NSD2: variants seen among roughly 807,000 people sequenced by gnomAD.
The protein encoded by NSD2 is histone-lysine N-methyltransferase NSD2.
Under a neutral mutation model 139.0 loss-of-function variants are expected in NSD2, and 12 were observed. That is an observed-to-expected ratio of 0.09 (90% CI 0.06 to 0.14). NSD2 has a LOEUF of 0.14. Among genes scored for constraint, NSD2 ranks in the 10% least tolerant of loss-of-function variants. The pLI, the probability that NSD2 is intolerant of heterozygous loss-of-function variation, is 1.00. For synonymous variants in NSD2, 669 were observed against 648.7 expected (o/e 1.03, Z -0.48); for missense variants, 1,155 against 1,745.0 (o/e 0.66, Z 6.02).
chr4:1,889,732 C>T (rs1453811429), intron 1 of NSD2, among the ~76,000 whole-genome samples: 1 of 152,068 alleles, frequency 6.6e-6, no homozygotes, highest in East Asian at 1.9e-4. Flanking sequence ...GTGATCCACT[C>T]CTGACCTCAG....
At chr4:1,888,042 G>A in intron 1 of NSD2, among the ~76,000 whole-genome samples, 1 of 151,898 alleles carries the variant, frequency 6.6e-6, no homozygotes, top group South Asian at 2.1e-4. Flanking sequence ...TGCATCTCAT[G>A]TCTTCCTTAG....
rs765680164 is a variant in NSD2 at position 1,951,254 on chromosome 4, C to T, written c.2013+51C>T. 5 of 1,610,224 alleles carry T rather than the reference C, an allele frequency of 3.1e-6. No homozygotes were observed. In the African/African-American group the frequency reaches 6.7e-5, roughly 22 times the overall value. Reference sequence around the variant, plus strand: ...GTCCGTGCTGGTGTCTGACTGGGGCCCCGGTACGCAGAGCGAATTTGTAGT... The same window carrying T: ...GTCCGTGCTGGTGTCTGACTGGGGCTCCGGTACGCAGAGCGAATTTGTAGT... On this transcript the variant is annotated intron_variant, in intron 10 of 21. Transcript: ENST00000508803.
intron 9 of NSD2, chr4:1,944,899 CT>C: frequency 5.6e-6 from 6 of 1,063,060 alleles, no homozygotes; most frequent in Non-Finnish European, 6.8e-6. Flanking sequence ...TCTCTTATAC[CT>C]GTATCTCCCA....
chr4:1,912,251 A>T (rs943468518), intron 3 of NSD2: 1 of 183,290 alleles, frequency 5.5e-6, no homozygotes, highest in Admixed American at 6.0e-5. Flanking sequence ...TTGATTTCTC[A>T]TGTAGACATT....
In NSD2 at chr4:1,948,093, T is replaced by G; in HGVS notation, c.1882-2979T>G. On this transcript the variant is annotated intron_variant, in intron 9 of 21. Coordinates refer to ENST00000508803, the MANE Select transcript of NSD2 (RefSeq NM_001042424.3). The surrounding 1 kb of genome is among the most constrained non-coding windows in gnomAD (Gnocchi z 4.5). ...TGAAGGAATGTATTTCTAAGGCAAA[T>G]AGGCAACTTGGTACTATCTTATTCT... is the stretch of plus-strand genomic sequence containing the variant. The G allele has an allele frequency of 9.4e-7, 1 of 1,058,858 alleles. No homozygotes were observed. Among genetic ancestry groups the G allele is most frequent in the Non-Finnish European group, 1.1e-6 (1 of 874,996 alleles). The allele number at this position is 1,058,858 out of a possible 1,614,324, so 65.6% of individuals were successfully genotyped here.
Position 1,918,606 on chromosome 4 carries a change from C to A in NSD2, c.1393C>A (p.Gln465Lys). ...DAASQFLVFC[Q>K]KHRDEVVAEH... ...AGCATCCCAGTTTTTGGTCTTCTGT[C>A]AAAAACACAGGGATGAGGTCAGTAC... Residue 465 changes from glutamine to lysine, a missense_variant, in exon 5 of 22, where the codon CAA becomes AAA. This residue lies in a region of NSD2 where 420 missense variants were observed against 469.0 expected (regional missense o/e 0.90). Coordinates refer to ENST00000508803, the MANE Select transcript of NSD2 (RefSeq NM_001042424.3). 6.2e-7 allele frequency: 1 copy of A among 1,613,608 alleles called. No homozygotes were observed. The highest frequency in any genetic ancestry group is 8.5e-7 in the Non-Finnish European group (1 of 1,179,948).
chr4:1,901,167 G>C lies in NSD2; in HGVS notation c.513G>C (p.Arg171Ser). ...PENKARRNRK[R>S]SIKYDSLLEQ... ...ACAAGGCGAGAAGGAACAGGAAGAG[G>C]AGCATAAAATATGACTCCTTGCTGG... The change falls in exon 2 of 22, where the codon AGG (arginine) becomes AGC (serine). Residue 171 changes from arginine (R) to serine (S), a missense_variant. Coordinates refer to ENST00000508803, the MANE Select transcript of NSD2 (RefSeq NM_001042424.3). 1 of 1,614,118 alleles carries C rather than the reference G, an allele frequency of 6.2e-7. No individual in the cohort carries two copies. Among genetic ancestry groups the C allele is most frequent in the Non-Finnish European group, 8.5e-7 (1 of 1,179,992 alleles).
In NSD2 at chr4:1,979,928, G is replaced by A. The variant is rs1577599474; in HGVS notation, c.*1019G>A. On this transcript the variant is annotated 3_prime_UTR_variant, in exon 22 of 22. Transcript: ENST00000508803. ...AACTTAGGGAGCCCCGTAGGGCGCT[G>A]CAGGCCCCGGGGACCCCAGCACGTG... The A allele has an allele frequency of 4.3e-6, 1 of 232,500 alleles. No homozygotes were observed. The highest frequency in any genetic ancestry group is 6.1e-5 in the East Asian group (1 of 16,500). 14.4% of individuals were successfully genotyped at this position (232,500 alleles called of 1,614,324 possible).
rs746279426 is a variant in NSD2, at chr4:1,938,416, CTTTTTTTTTTTTTTT to C, written c.1675-24_1675-10del. The C allele has an allele frequency of 8.3e-5, 27 of 325,858 alleles. No homozygotes were observed. Among genetic ancestry groups the C allele is most frequent in the African/African-American group, 6.1e-4 (12 of 19,546 alleles). The allele number at this position is 325,858 out of a possible 1,614,324, so 20.2% of individuals were successfully genotyped here. A position where few individuals can be genotyped will look rare whatever the true frequency, so the allele number is the denominator to read the frequency against. On this transcript the variant is annotated intron_variant, in intron 7 of 21. Transcript: ENST00000508803. Reference sequence around the variant, plus strand: ...TTTTTCTTTTCTTTTTTTTTTCTTTCTTTTTTTTTTTTTTTTTTTTTTTTTAAATAATAGAGAGAC... The same window carrying C: ...TTTTTCTTTTCTTTTTTTTTTCTTTCTTTTTTTTTTAAATAATAGAGAGAC...
chr4:1,882,607 T>C (rs1160494541), intron 1 of NSD2, among the ~76,000 whole-genome samples: 1 of 152,084 alleles, frequency 6.6e-6, no homozygotes, highest in Non-Finnish European at 1.5e-5. Context: ...GAGCTTGCAG[T>C]GAGCTGAGAT....
intron 17 of NSD2, 88 bp from the exon 18 acceptor site, chr4:1,960,947 T>C: frequency 1.0e-6 from 1 of 999,094 alleles, no homozygotes; most frequent in Non-Finnish European, 1.6e-6. Flanking sequence ...GTGCCCGTTC[T>C]AAGTGATCAT....
intron 3 of NSD2, chr4:1,912,103 CAAA>C: frequency 2.5e-6 from 1 of 399,718 alleles, no homozygotes; most frequent in Non-Finnish European, 4.9e-6. Context: ...ATTTTCAAAT[CAAA>C]GAAGTTTGAA....
At chr4:1,977,230 G>C (rs1017465816) in intron 21 of NSD2, among the ~76,000 whole-genome samples, 1 of 152,232 alleles carries the variant, frequency 6.6e-6, no homozygotes, top group East Asian at 1.9e-4. Flanking sequence ...GGAAAGTAGA[G>C]TGGGCTCCAC....
chr4:1,958,094 G>C lies in NSD2; in HGVS notation c.2985+58G>C. 6.4e-7 allele frequency: 1 copy of C among 1,557,726 alleles called. No individual in the cohort carries two copies. Among genetic ancestry groups the C allele is most frequent in the Non-Finnish European group, 8.8e-7 (1 of 1,135,302 alleles). On this transcript the variant is annotated intron_variant, in intron 16 of 21. Coordinates refer to ENST00000508803, the MANE Select transcript of NSD2 (RefSeq NM_001042424.3). The surrounding 1 kb of genome is among the most constrained non-coding windows in gnomAD (Gnocchi z 4.6). ...AGGGAGTCTTCCCCGAGGGCCGTGA[G>C]AGGTTCTTAGGCACACCCAGGCTAT...
chr4:1,916,665 A>G (rs574263193), intron 3 of NSD2, among the ~76,000 whole-genome samples: 30 of 152,232 alleles, frequency 2.0e-4, no homozygotes, highest in African/African-American at 2.6e-4. Context: ...TTCCCATTCA[A>G]TTTTGAACCT....
chr4:1,951,995 G>T, intron 10 of NSD2, 113 bp from the exon 11 acceptor site: 3 of 1,496,492 alleles, frequency 2.0e-6, no homozygotes, highest in Non-Finnish European at 2.7e-6. Flanking sequence ...ATATCCTTGA[G>T]TAGCAAAATG....
At chr4:1,950,901 T>C (rs536914780) in intron 9 of NSD2, among the ~76,000 whole-genome samples, 171 bp from the exon 10 acceptor site, 1 of 149,866 alleles carries the variant, frequency 6.7e-6, no homozygotes, top group East Asian at 2.0e-4. Context: ...GGTTATATTA[T>C]CACAAAAACC....
intron 21 of NSD2, among the ~76,000 whole-genome samples, chr4:1,977,217 G>C (rs1180240740): frequency 6.6e-6 from 1 of 152,270 alleles, no homozygotes; most frequent in Admixed American, 6.5e-5. Flanking sequence ...GGCTCTGTTT[G>C]AGGGAAAGTA....
chr4:1,920,614 T>G (rs1018166996), intron 5 of NSD2, among the ~76,000 whole-genome samples: 1 of 152,184 alleles, frequency 6.6e-6, no homozygotes, highest in Non-Finnish European at 1.5e-5. Context: ...TAAAGTTCAT[T>G]GCTTTTTCTC....
Sources: allele counts gnomAD v4.1 joint callset (sites outside exome capture counted in the v4.1 genomes callset), GRCh38; gene constraint gnomAD v4.1.1; regional missense constraint gnomAD v4.1.1; non-coding constraint Gnocchi (gnomAD v3.1); transcripts MANE v1.5; gene names NCBI Gene and HGNC (gene_info 2026-07-23, HGNC 2026-07-21).